Variants in KHDRBS2 observed in about 807,000 individuals in gnomAD.
The protein encoded by KHDRBS2 is KH RNA binding domain containing, signal transduction associated 2.
KHDRBS2 carries 26 observed loss-of-function variants against 44.3 expected under a neutral mutation model. The observed-to-expected ratio is 0.59, with a 90% CI of 0.43 to 0.81. The LOEUF is 0.81. Ranked by LOEUF, KHDRBS2 falls within the 40% of genes least tolerant of loss-of-function variation. The probability of loss-of-function intolerance (pLI) is 0.00; values close to 1 mark genes in which losing one functional copy is unlikely to be tolerated. For missense variants in KHDRBS2, 476 were observed against 433.1 expected, an observed-to-expected ratio of 1.10 and a Z score of -0.88; for synonymous variants, 194 against 151.1, an observed-to-expected ratio of 1.28 and a Z score of -2.08.
At chr6:62,230,468 C>T (rs1425343106) in intron 1 of KHDRBS2, among the ~76,000 whole-genome samples, 2 of 152,102 alleles carry the variant, frequency 1.3e-5, no homozygotes, top group African/African-American at 4.8e-5. Flanking sequence ...GACCTTCCAT[C>T]TTTTTAAACA....
chr6:61,841,709 T>C (rs1793633260), intron 6 of KHDRBS2, among the ~76,000 whole-genome samples: 1 of 152,178 alleles, frequency 6.6e-6, no homozygotes, highest in Non-Finnish European at 1.5e-5. Context: ...ACACTTAGCA[T>C]TGAAAAGCAC....
At chr6:62,069,473 G>A (rs1047781872) in intron 2 of KHDRBS2, among the ~76,000 whole-genome samples, 3 of 151,614 alleles carry the variant, frequency 2.0e-5, no homozygotes, top group African/African-American at 4.8e-5. Flanking sequence ...GTAATATCAT[G>A]ACTTTGCTTT....
At chr6:61,827,054 G>A (rs1365390665) in intron 6 of KHDRBS2, among the ~76,000 whole-genome samples, 1 of 152,168 alleles carries the variant, frequency 6.6e-6, no homozygotes, top group Non-Finnish European at 1.5e-5. Context: ...TGACAGCCAT[G>A]TCAATGATTA....
intron 4 of KHDRBS2, among the ~76,000 whole-genome samples, chr6:61,945,252 G>T: frequency 6.8e-6 from 1 of 147,906 alleles, no homozygotes; most frequent in Non-Finnish European, 1.5e-5. Flanking sequence ...ATTTAAAACC[G>T]TATTTTTAAG....
At chr6:61,796,380 A>G (rs1024817258) in intron 6 of KHDRBS2, among the ~76,000 whole-genome samples, 26 of 152,124 alleles carry the variant, frequency 1.7e-4, no homozygotes, top group African/African-American at 4.8e-4. Context: ...TAAGTGCCCT[A>G]TAGCATTCAA....
Position 61,900,341 on chromosome 6 carries a change from C to T in KHDRBS2, c.611+903G>A, listed in dbSNP as rs373214276. ...AAACTGAATCTGAAAAGTATCTTAG[C>T]ATATCTTAAGATAATTTTATGTAAT... On this transcript the variant is annotated intron_variant, in intron 5 of 8. Coordinates refer to ENST00000281156, the MANE Select transcript of KHDRBS2 (RefSeq NM_152688.4). 6.6e-5 allele frequency among the ~76,000 whole-genome samples: 10 copies of T among 152,106 alleles called. No individual in the cohort carries two copies. In the East Asian group the frequency reaches 1.7e-3, roughly 27 times the overall value.
intron 1 of KHDRBS2, among the ~76,000 whole-genome samples, chr6:62,196,613 G>T (rs1177001813): frequency 1.3e-5 from 2 of 152,010 alleles, no homozygotes; most frequent in Admixed American, 6.6e-5. Flanking sequence ...AACCCACATT[G>T]CCAGTTTCAG....
intron 2 of KHDRBS2, among the ~76,000 whole-genome samples, chr6:62,099,850 A>T (rs1239865883): frequency 6.6e-6 from 1 of 152,190 alleles, no homozygotes; most frequent in Non-Finnish European, 1.5e-5. Flanking sequence ...ATGTGCGGGG[A>T]TATTAATGTT....
chr6:62,259,642 G>T, intron 1 of KHDRBS2, among the ~76,000 whole-genome samples: 1 of 151,822 alleles, frequency 6.6e-6, no homozygotes, highest in East Asian at 2.0e-4. Context: ...TTTCTCGATT[G>T]AAAATAATAA....
the KHDRBS2 span, among the ~76,000 whole-genome samples, chr6:61,619,231 G>A: frequency 1.4e-5 from 2 of 144,700 alleles, no homozygotes; most frequent in Admixed American, 6.8e-5. Context: ...AGTGTACATC[G>A]TGTAGTTTTT....
At chr6:61,827,294 G>GGCTGTTAA (rs1791044134) in intron 6 of KHDRBS2, among the ~76,000 whole-genome samples, 2 of 152,182 alleles carry the variant, frequency 1.3e-5, no homozygotes, top group African/African-American at 2.4e-5. Flanking sequence ...GGATGTTAAC[G>GGCTGTTAA]CAGGCTGCCT....
At chr6:61,706,960 A>AT (rs1769686725) in intron 7 of KHDRBS2, among the ~76,000 whole-genome samples, 1 of 148,050 alleles carries the variant, frequency 6.8e-6, no homozygotes, top group African/African-American at 2.5e-5. Flanking sequence ...AAACAAAAAC[A>AT]AAACAGTTAT....
At chr6:62,167,586 T>A (rs1818973293) in intron 2 of KHDRBS2, among the ~76,000 whole-genome samples, 1 of 152,116 alleles carries the variant, frequency 6.6e-6, no homozygotes, top group Non-Finnish European at 1.5e-5. Context: ...CAGTGTCATA[T>A]CATTTTCTCA....
intron 2 of KHDRBS2, among the ~76,000 whole-genome samples, chr6:62,161,573 C>CGGGGGG (rs3035515): frequency 3.0e-5 from 1 of 33,346 alleles, no homozygotes; most frequent in African/African-American, 1.3e-4. Flanking sequence ...TTGGTATTTG[C>CGGGGGG]GGGGGGGGGG....
intron 6 of KHDRBS2, among the ~76,000 whole-genome samples, chr6:61,787,888 A>T (rs1280939171): frequency 2.6e-5 from 4 of 151,506 alleles, no homozygotes; most frequent in Non-Finnish European, 5.9e-5. Flanking sequence ...TTACAAAATA[A>T]GTCTGTTCCC....
chr6:61,905,851 TTTC>T (rs1396205357), intron 4 of KHDRBS2, among the ~76,000 whole-genome samples: 112 of 128,672 alleles, frequency 8.7e-4, no homozygotes, highest in Admixed American at 1.4e-3. Flanking sequence ...GAACAAAACT[TTTC>T]TTTTTTTTTT....
chr6:61,908,087 G>C (rs1251050538), intron 4 of KHDRBS2, among the ~76,000 whole-genome samples: 2 of 151,980 alleles, frequency 1.3e-5, no homozygotes, highest in Non-Finnish European at 2.9e-5. Flanking sequence ...TGCTAACATA[G>C]ATATTCATTA....
chr6:61,677,487 G>C (rs184001470), downstream of KHDRBS2, among the ~76,000 whole-genome samples: 87 of 152,000 alleles, frequency 5.7e-4, no homozygotes, highest in Middle Eastern at 3.4e-3. Context: ...TCAAATAATT[G>C]TTTTAAGAGT....
intron 2 of KHDRBS2, among the ~76,000 whole-genome samples, chr6:62,111,693 G>T (rs770017179): frequency 6.6e-6 from 1 of 151,948 alleles, no homozygotes. Context: ...ACCAACCTGG[G>T]AAATATAGTA....
Sources: gnomAD v4.1 joint callset for allele counts (sites outside exome capture counted in the v4.1 genomes callset) on GRCh38, gnomAD v4.1.1 for gene constraint, MANE v1.5 for transcripts, NCBI Gene and HGNC (gene_info 2026-07-23, HGNC 2026-07-21) for gene names.